The following CPNE9 variants were observed in gnomAD, a reference collection of about 807,000 sequenced individuals.
CPNE9 encodes the protein copine family member 9.
Under a neutral mutation model 83.0 loss-of-function variants are expected in CPNE9, and 59 were observed. The ratio of observed to expected loss-of-function variants is 0.71; its 90% CI spans 0.58 to 0.88. The LOEUF (loss-of-function observed/expected upper bound fraction) is 0.88, where lower values mean the gene tolerates loss of function less well. Ranked by LOEUF, CPNE9 falls within the 40% of genes least tolerant of loss-of-function variation. The probability of loss-of-function intolerance (pLI) is 0.00; values close to 1 mark genes in which losing one functional copy is unlikely to be tolerated. For synonymous variants in CPNE9, 256 were observed against 273.4 expected, an observed-to-expected ratio of 0.94 and a Z score of 0.63; for missense variants, 619 against 720.8, an observed-to-expected ratio of 0.86 and a Z score of 1.62.
intron 4 of CPNE9, 105 bp from the exon 5 acceptor site, chr3:9,705,359 C>A: frequency 2.4e-6 from 2 of 846,996 alleles, no homozygotes; most frequent in Non-Finnish European, 3.8e-6. Context: ...GGTCCACGGC[C>A]GCCCATCCCT....
At position 9,704,702 on chromosome 3, in the gene CPNE9, G is replaced by A; in HGVS notation, c.110-47G>A. 1.2e-6 allele frequency: 2 copies of A among 1,610,972 alleles called. No individual in the cohort carries two copies. The highest frequency in any genetic ancestry group is 1.7e-6 in the Non-Finnish European group (2 of 1,177,770). On this transcript the variant is annotated intron_variant, in intron 2 of 20. Coordinates refer to ENST00000383832, the MANE Select transcript of CPNE9 (RefSeq NM_153635.3). This position sits in a 1 kb window ranked among gnomAD's most constrained non-coding sequence, Gnocchi z 7.1. ...CAGGGGCGGGTGGAGTCGGGGCCAG[G>A]GGTGGGAGCCGACCTGACGTCCTTC...
intron 7 of CPNE9, among the ~76,000 whole-genome samples, chr3:9,706,713 G>A (rs189643325): frequency 4.6e-5 from 7 of 152,318 alleles, no homozygotes; most frequent in African/African-American, 1.4e-4. Flanking sequence ...GAAATAATGG[G>A]TGAGTGGGAG....
At chr3:9,718,269 T>A in intron 16 of CPNE9, 59 bp downstream of exon 16, 2 of 1,514,222 alleles carry the variant, frequency 1.3e-6, no homozygotes, top group Non-Finnish European at 1.8e-6. Flanking sequence ...CCCAAGTTGA[T>A]GATTTTGTTC....
At chr3:9,717,802 G>T (rs2076697678) in intron 15 of CPNE9, among the ~76,000 whole-genome samples, 1 of 152,092 alleles carries the variant, frequency 6.6e-6, no homozygotes, top group African/African-American at 2.4e-5. Context: ...CTAGGTAGAT[G>T]GGTGGATGGA....
intron 18 of CPNE9, 47 bp downstream of exon 18, chr3:9,726,098 T>C (rs1451203539): frequency 2.5e-6 from 3 of 1,202,856 alleles, no homozygotes; most frequent in African/African-American, 1.6e-5. Context: ...ATGTCAATAC[T>C]GTGAAGGGGC....
chr3:9,725,168 A>C (rs1025760137), intron 17 of CPNE9, among the ~76,000 whole-genome samples: 1 of 152,186 alleles, frequency 6.6e-6, no homozygotes, highest in African/African-American at 2.4e-5. Flanking sequence ...GCCTCACTCC[A>C]GAGGGCTGGG....
At chr3:9,721,631 CAG>C (rs1463479677) in intron 17 of CPNE9, among the ~76,000 whole-genome samples, 1 of 152,084 alleles carries the variant, frequency 6.6e-6, no homozygotes, top group African/African-American at 2.4e-5. Flanking sequence ...ATGAGAGAAA[CAG>C]AAGCAGAGTA....
At chr3:9,715,952 G>C (rs1477140345) in intron 13 of CPNE9, 22 bp from the exon 14 acceptor site, 1 of 1,607,852 alleles carries the variant, frequency 6.2e-7, no homozygotes, top group South Asian at 1.1e-5. Context: ...AAAGTGCCAG[G>C]GCTGCCTATT....
intron 7 of CPNE9, among the ~76,000 whole-genome samples, chr3:9,708,510 G>C (rs2076585727): frequency 6.6e-6 from 1 of 152,252 alleles, no homozygotes; most frequent in Non-Finnish European, 1.5e-5. Flanking sequence ...TGCTGCTACA[G>C]CTCAAATAAG....
intron 17 of CPNE9, among the ~76,000 whole-genome samples, chr3:9,725,640 GTATGTGTATA>G (rs1157764347): frequency 2.0e-4 from 10 of 49,458 alleles, no homozygotes; most frequent in East Asian, 3.9e-4. Context: ...GTATATACAT[GTATGTGTATA>G]TATGTGTATA....
At chr3:9,725,900 C>T in intron 17 of CPNE9, 49 bp from the exon 18 acceptor site, 2 of 1,429,508 alleles carry the variant, frequency 1.4e-6, no homozygotes, top group East Asian at 4.6e-5. Context: ...AAGGTGTTCC[C>T]TTGGCCTGTC....
intron 17 of CPNE9, among the ~76,000 whole-genome samples, chr3:9,722,114 G>T (rs1433685149): frequency 6.6e-6 from 1 of 150,962 alleles, no homozygotes; most frequent in African/African-American, 2.4e-5. Context: ...ACGGAATTTC[G>T]CCATGTTGGC....
At chr3:9,710,751 C>T (rs2125463283) in intron 7 of CPNE9, among the ~76,000 whole-genome samples, 1 of 152,230 alleles carries the variant, frequency 6.6e-6, no homozygotes, top group South Asian at 2.1e-4. Context: ...AAAGATTGGG[C>T]CAGTGGCTCA....
intron 4 of CPNE9, 111 bp from the exon 5 acceptor site, chr3:9,705,353 C>G: frequency 2.5e-6 from 2 of 804,834 alleles, no homozygotes. Flanking sequence ...AATTCGGGTC[C>G]ACGGCCGCCC....
At position 9,715,991 on chromosome 3, in the gene CPNE9, C is replaced by T. The variant is rs371139938; in HGVS notation, c.840C>T (p.Phe280=). The change falls in exon 14 of 21, where the codon TTC becomes TTT. Residue 280 remains phenylalanine (F), a synonymous_variant. Coordinates refer to ENST00000383832, the MANE Select transcript of CPNE9 (RefSeq NM_153635.3). ...VNSGTVTLLS[F]SVDSEFTFVD... ...TCCCACAGGTGACGCTGCTCTCCTT[C>T]TCTGTGGACTCTGAATTCACTTTTG... 14 of 1,611,756 alleles carry T rather than the reference C, an allele frequency of 8.7e-6. No homozygotes were observed. The African/African-American group carries it at 1.7e-4, about 20-fold the overall frequency.
chr3:9,707,485 A>G (rs1421172125), intron 7 of CPNE9, among the ~76,000 whole-genome samples: 2 of 152,026 alleles, frequency 1.3e-5, no homozygotes, highest in Non-Finnish European at 2.9e-5. Context: ...GATTCAGGAT[A>G]TATTTTAAAG....
chr3:9,705,594 G>C, intron 5 of CPNE9, 94 bp downstream of exon 5: 2 of 1,562,808 alleles, frequency 1.3e-6, no homozygotes, highest in Non-Finnish European at 1.8e-6. Context: ...CCTCGACCCA[G>C]ACCCCATCTT....
chr3:9,712,862 G>T, intron 9 of CPNE9, 34 bp downstream of exon 9: 3 of 1,592,434 alleles, frequency 1.9e-6, no homozygotes, highest in Non-Finnish European at 2.6e-6. Flanking sequence ...TTAGGCTGGG[G>T]TGGGCCATGT....
At chr3:9,710,342 A>G (rs1317346542) in intron 7 of CPNE9, among the ~76,000 whole-genome samples, 1 of 152,226 alleles carries the variant, frequency 6.6e-6, no homozygotes, top group Non-Finnish European at 1.5e-5. Context: ...CAACTGTAGG[A>G]GTCACACTTG....
Sources: gnomAD v4.1 joint callset for allele counts (sites outside exome capture counted in the v4.1 genomes callset) on GRCh38, gnomAD v4.1.1 for gene constraint, Gnocchi (gnomAD v3.1) non-coding constraint, MANE v1.5 for transcripts, NCBI Gene and HGNC (gene_info 2026-07-23, HGNC 2026-07-21) for gene names.